CCSER1: variants seen among roughly 807,000 people sequenced by gnomAD.
CCSER1 encodes the protein coiled-coil serine rich protein 1.
A neutral mutation model predicts 82.0 loss-of-function variants in CCSER1; 41 were observed. That is an observed-to-expected ratio of 0.50 (90% CI 0.39 to 0.65). The LOEUF is 0.65. CCSER1 is among the 30% of genes least tolerant of loss of function. The pLI, the probability that CCSER1 is intolerant of heterozygous loss-of-function variation, is 0.00. For synonymous variants in CCSER1, 414 were observed against 383.9 expected (o/e 1.08, Z -0.92); for missense variants, 1,119 against 1,064.2 (o/e 1.05, Z -0.72).
At chr4:91,143,701 T>C (rs1729267634) in intron 10 of CCSER1, among the ~76,000 whole-genome samples, 1 of 152,258 alleles carries the variant, frequency 6.6e-6, no homozygotes, top group Middle Eastern at 3.4e-3. Context: ...TTGTATTTTA[T>C]TGAAAGCTTT....
At chr4:90,923,545 A>G in intron 9 of CCSER1, 98 bp downstream of exon 9, 5 of 805,518 alleles carry the variant, frequency 6.2e-6, no homozygotes, top group Non-Finnish European at 1.0e-5. Flanking sequence ...GCATTGATTT[A>G]ACAGGATTTA....
intron 10 of CCSER1, among the ~76,000 whole-genome samples, chr4:91,546,687 T>C (rs925891913): frequency 2.0e-5 from 3 of 152,064 alleles, no homozygotes; most frequent in Non-Finnish European, 4.4e-5. Context: ...AAATCAGCTT[T>C]TTGTTTCATT....
chr4:90,538,822 G>A (rs1775744130), intron 5 of CCSER1, among the ~76,000 whole-genome samples: 1 of 151,966 alleles, frequency 6.6e-6, no homozygotes, highest in African/African-American at 2.4e-5. Context: ...ATTATAATGA[G>A]AAATATAATG....
chr4:90,241,775 T>A (rs1486035851), intron 1 of CCSER1, among the ~76,000 whole-genome samples: 2 of 152,186 alleles, frequency 1.3e-5, no homozygotes, highest in African/African-American at 4.8e-5. Flanking sequence ...AGCATTAACA[T>A]TGAGAAACTA....
At chr4:90,858,262 A>G (rs1391856074) in intron 8 of CCSER1, among the ~76,000 whole-genome samples, 1 of 152,072 alleles carries the variant, frequency 6.6e-6, no homozygotes, top group African/African-American at 2.4e-5. Context: ...GTAGTTGCCC[A>G]CATTATGATT....
chr4:91,057,464 T>G (rs1213664919), intron 9 of CCSER1, among the ~76,000 whole-genome samples: 1 of 152,144 alleles, frequency 6.6e-6, no homozygotes, highest in African/African-American at 2.4e-5. Context: ...GCTAGAAGCA[T>G]GAGAGAAACA....
chr4:91,302,155 A>C (rs1167667803), intron 10 of CCSER1, among the ~76,000 whole-genome samples: 1 of 151,964 alleles, frequency 6.6e-6, no homozygotes, highest in Non-Finnish European at 1.5e-5. Context: ...GAACTGCCAC[A>C]CTGATATCTT....
At chr4:91,553,879 A>G (rs755182818) in intron 10 of CCSER1, among the ~76,000 whole-genome samples, 4 of 150,728 alleles carry the variant, frequency 2.7e-5, no homozygotes, top group African/African-American at 4.9e-5. Flanking sequence ...GATATTTTCT[A>G]TTATAATTCT....
intron 10 of CCSER1, among the ~76,000 whole-genome samples, chr4:91,264,312 A>C (rs1741407454): frequency 6.6e-6 from 1 of 151,632 alleles, no homozygotes; most frequent in Non-Finnish European, 1.5e-5. Context: ...AGTTGCTTGC[A>C]CAATAAAAAA....
At position 91,496,707 on chromosome 4, in the gene CCSER1, TATATTCAATATATA is replaced by T. The variant is rs1560716802; in HGVS notation, c.2218-101864_2218-101851del. 2.8e-3 allele frequency among the ~76,000 whole-genome samples: 105 copies of T among 37,734 alleles called. 25 individuals are homozygous for T. The highest frequency in any genetic ancestry group is 4.6e-3 in the African/African-American group (65 of 13,988). The allele number at this position is 37,734 out of a possible 152,430, so 24.8% of individuals were successfully genotyped here. On this transcript the variant is annotated intron_variant, in intron 10 of 10. Transcript: ENST00000509176. ...AATATATATATATTCAATATATATATATATTCAATATATAGAATATATATATATATTGAATATAT... is the reference window on the plus strand; with the variant it reads ...AATATATATATATTCAATATATATATGAATATATATATATATTGAATATAT...
At chr4:91,518,793 T>C (rs1389111654) in intron 10 of CCSER1, among the ~76,000 whole-genome samples, 1 of 152,140 alleles carries the variant, frequency 6.6e-6, no homozygotes, top group East Asian at 1.9e-4. Flanking sequence ...TTTGAGAGAC[T>C]CTTCCCAGGG....
At chr4:90,388,120 A>G (rs1044589102) in intron 3 of CCSER1, among the ~76,000 whole-genome samples, 1 of 152,124 alleles carries the variant, frequency 6.6e-6, no homozygotes, top group African/African-American at 2.4e-5. Context: ...CTATTCTAAT[A>G]TTTCATTTTA....
At chr4:91,142,506 G>A (rs754691320) in intron 10 of CCSER1, among the ~76,000 whole-genome samples, 4 of 152,080 alleles carry the variant, frequency 2.6e-5, no homozygotes, top group Non-Finnish European at 2.9e-5. Flanking sequence ...TGTTGTGATT[G>A]CTTTTGAGGA....
At chr4:91,548,865 T>C (rs1762019773) in intron 10 of CCSER1, among the ~76,000 whole-genome samples, 1 of 152,116 alleles carries the variant, frequency 6.6e-6, no homozygotes, top group South Asian at 2.1e-4. Flanking sequence ...TCCTGCTTGG[T>C]ATTCTCTAAG....
intron 7 of CCSER1, among the ~76,000 whole-genome samples, chr4:90,764,913 A>G (rs927856960): frequency 2.6e-5 from 4 of 151,964 alleles, no homozygotes; most frequent in African/African-American, 9.7e-5. Context: ...AACAATATAT[A>G]TTTCTCACCA....
At chr4:90,478,562 C>T (rs545127309) in intron 5 of CCSER1, among the ~76,000 whole-genome samples, 3 of 152,008 alleles carry the variant, frequency 2.0e-5, no homozygotes, top group Non-Finnish European at 2.9e-5. Flanking sequence ...ATATTAGGCA[C>T]CATACTGTAA....
chr4:90,779,810 G>A (rs1753500325), intron 7 of CCSER1, among the ~76,000 whole-genome samples: 1 of 152,158 alleles, frequency 6.6e-6, no homozygotes, highest in Non-Finnish European at 1.5e-5. Context: ...AGGAGAAAAT[G>A]TCTTTCCCCC....
At chr4:90,948,386 T>C (rs1003871109) in intron 9 of CCSER1, among the ~76,000 whole-genome samples, 1 of 151,848 alleles carries the variant, frequency 6.6e-6, no homozygotes, top group African/African-American at 2.4e-5. Context: ...AAATAATTAT[T>C]GAAGCTGGAA....
chr4:91,243,276 C>A (rs548748380), intron 10 of CCSER1, among the ~76,000 whole-genome samples: 3 of 152,326 alleles, frequency 2.0e-5, no homozygotes, highest in East Asian at 3.9e-4. Context: ...GTTGGCAAGC[C>A]TCACCACTTT....
Sources: allele counts gnomAD v4.1 joint callset (sites outside exome capture counted in the v4.1 genomes callset), GRCh38; gene constraint gnomAD v4.1.1; transcripts MANE v1.5; gene names NCBI Gene and HGNC (gene_info 2026-07-23, HGNC 2026-07-21).